The following SLC7A1 variants were observed in gnomAD, a reference collection of about 807,000 sequenced individuals.
SLC7A1 encodes solute carrier family 7 member 1.
In SLC7A1, 10 loss-of-function variants were observed where a neutral mutation model predicts 53.9. That is an observed-to-expected ratio of 0.19 (90% confidence interval 0.11 to 0.31). The LOEUF (loss-of-function observed/expected upper bound fraction) is 0.31, where lower values mean the gene tolerates loss of function less well. Among genes scored for constraint, SLC7A1 ranks in the 10% least tolerant of loss-of-function variants. The probability of loss-of-function intolerance (pLI) is 1.00; values close to 1 mark genes in which losing one functional copy is unlikely to be tolerated. For synonymous variants in SLC7A1, 342 were observed against 338.7 expected, an observed-to-expected ratio of 1.01 and a Z score of -0.11; for missense variants, 525 against 827.2, an observed-to-expected ratio of 0.63 and a Z score of 4.48.
At chr13:29,560,883 T>G (rs2139151055) in intron 1 of SLC7A1, among the ~76,000 whole-genome samples, 1 of 152,086 alleles carries the variant, frequency 6.6e-6, no homozygotes, top group Admixed American at 6.5e-5. Flanking sequence ...AGAAAACATA[T>G]CCCACTGAAC....
rs1437022068 is a variant in SLC7A1, at chr13:29,512,492, C to T, written c.*1988G>A. The T allele has an allele frequency of 6.6e-6, 1 of 152,206 alleles. No homozygotes were observed. Among genetic ancestry groups the T allele is most frequent in the Non-Finnish European group, 1.5e-5 (1 of 68,032 alleles). The allele number at this position is 152,206 out of a possible 1,614,324, so 9.4% of individuals were successfully genotyped here. A position where few individuals can be genotyped will look rare whatever the true frequency, so the allele number is the denominator to read the frequency against. ...AGAAAAAAAAGAAAAAAGCAATTCT[C>T]TCCCACCACTTCACTTTTCTTGGAG... is the stretch of plus-strand genomic sequence containing the variant. On this transcript the variant is annotated 3_prime_UTR_variant, in exon 13 of 13. Coordinates refer to ENST00000380752, the MANE Select transcript of SLC7A1 (RefSeq NM_003045.5).
chr13:29,546,974 G>A (rs1009699213), intron 2 of SLC7A1, among the ~76,000 whole-genome samples: 1 of 152,120 alleles, frequency 6.6e-6, no homozygotes, highest in African/African-American at 2.4e-5. Flanking sequence ...GAGTGTAGCT[G>A]GCAGATTATA....
intron 2 of SLC7A1, among the ~76,000 whole-genome samples, chr13:29,544,333 T>G (rs1869812173): frequency 6.6e-6 from 1 of 152,232 alleles, no homozygotes; most frequent in Non-Finnish European, 1.5e-5. Context: ...TTTGTTGTTA[T>G]TTTCTTCTTT....
intron 6 of SLC7A1, among the ~76,000 whole-genome samples, chr13:29,523,876 G>T (rs73452355): frequency 0.016 from 2,418 of 152,320 alleles, 62 homozygotes; most frequent in African/African-American, 0.054. Context: ...TCAGGCCACA[G>T]CCACACAGCT....
Position 29,517,191 on chromosome 13 carries a change from C to T in SLC7A1, c.1630G>A (p.Gly544Ser). 2 of 1,613,040 alleles carry T rather than the reference C, an allele frequency of 1.2e-6. No individual in the cohort carries two copies. The highest frequency in any genetic ancestry group is 1.7e-6 in the Non-Finnish European group (2 of 1,179,594). ...CTCTCGGGCTGCCTCCAGATGACGC[C>T]CGTGACCACGGCACAGAGGAGGGCA... Reference protein sequence around the residue: ...GSALLCAVVTGVIWRQPESKT... With the variant: ...GSALLCAVVTSVIWRQPESKT... Residue 544 changes from glycine (G) to serine (S), a missense_variant, in exon 11 of 13, where the codon GGC becomes AGC. Gly to Ser is a moderately conservative substitution (Grantham distance 56, BLOSUM62 0). This residue lies in a region of SLC7A1 where 122 missense variants were observed against 140.9 expected (regional missense o/e 0.87). Transcript: ENST00000380752.
chr13:29,576,293 T>TAAAAAAAAAAAAAAAAA (rs3069134), intron 1 of SLC7A1, among the ~76,000 whole-genome samples: 5 of 124,964 alleles, frequency 4.0e-5, no homozygotes, highest in African/African-American at 1.5e-4. Flanking sequence ...TCCTGTTTTT[T>TAAAAAAAAAAAAAAAAA]AAAAAAAAAA....
chr13:29,533,401 G>A (rs931164301), intron 3 of SLC7A1, among the ~76,000 whole-genome samples: 2 of 152,150 alleles, frequency 1.3e-5, no homozygotes, highest in Non-Finnish European at 2.9e-5. Flanking sequence ...GGTGCAGCTG[G>A]CAGTCTGGAG....
chr13:29,524,478 C>A (rs1193057376), intron 5 of SLC7A1, among the ~76,000 whole-genome samples: 1 of 152,158 alleles, frequency 6.6e-6, no homozygotes, highest in Non-Finnish European at 1.5e-5. Context: ...CAGAGTATCG[C>A]CCCTTCCAGA....
intron 1 of SLC7A1, among the ~76,000 whole-genome samples, chr13:29,576,457 G>C (rs1871419223): frequency 6.6e-6 from 1 of 152,120 alleles, no homozygotes. Flanking sequence ...TACTTGCATT[G>C]TATCACTGTT....
At chr13:29,533,011 A>G (rs1447702560) in intron 3 of SLC7A1, 29 bp from the exon 4 acceptor site, 1 of 1,586,674 alleles carries the variant, frequency 6.3e-7, no homozygotes, top group Admixed American at 1.8e-5. Flanking sequence ...AACAGAGGAG[A>G]TGTGAGGACA....
intron 1 of SLC7A1, among the ~76,000 whole-genome samples, chr13:29,590,820 A>G (rs1021774658): frequency 1.1e-4 from 17 of 152,176 alleles, no homozygotes; most frequent in Admixed American, 1.0e-3. Context: ...TATTTTTCTC[A>G]GGGCTAGGCT....
chr13:29,515,967 A>C (rs554205890), intron 12 of SLC7A1, among the ~76,000 whole-genome samples, 171 bp downstream of exon 12: 1 of 152,268 alleles, frequency 6.6e-6, no homozygotes, highest in Non-Finnish European at 1.5e-5. Context: ...GAAGCAATGG[A>C]AACAAAAAGT....
intron 2 of SLC7A1, among the ~76,000 whole-genome samples, chr13:29,541,441 T>C (rs1217929251): frequency 6.6e-6 from 1 of 152,186 alleles, no homozygotes; most frequent in Admixed American, 6.5e-5. Context: ...CAGGGACTCA[T>C]TAATCCCAGG....
intron 1 of SLC7A1, among the ~76,000 whole-genome samples, chr13:29,579,618 C>T (rs1871558379): frequency 6.6e-6 from 1 of 152,174 alleles, no homozygotes; most frequent in Admixed American, 6.5e-5. Flanking sequence ...CCGCCTCAGC[C>T]TTCCAAAGTG....
At chr13:29,584,442 T>C (rs1432042258) in intron 1 of SLC7A1, among the ~76,000 whole-genome samples, 3 of 152,186 alleles carry the variant, frequency 2.0e-5, no homozygotes, top group Non-Finnish European at 2.9e-5. Flanking sequence ...CCACCACACC[T>C]GGCCAATATT....
chr13:29,522,533 T>A lies in SLC7A1; in HGVS notation c.1050-77A>T, dbSNP rs1346643511. 3 of 1,533,748 alleles carry A rather than the reference T, an allele frequency of 2.0e-6. No individual in the cohort carries two copies. The African/African-American group carries it at 4.1e-5, about 21-fold the overall frequency. On this transcript the variant is annotated intron_variant, in intron 7 of 12. Transcript: ENST00000380752. The stretch of plus-strand genomic sequence containing the variant: ...AGGCACCACATCCAGCCATGCTCGG[T>A]TTACCACGGAGGAGAGGGAGTCTGA...
chr13:29,518,160 A>G (rs1455263033), intron 9 of SLC7A1, among the ~76,000 whole-genome samples: 1 of 152,232 alleles, frequency 6.6e-6, no homozygotes, highest in African/African-American at 2.4e-5. Flanking sequence ...GGAAGGAGAG[A>G]AATAGGAAGC....
chr13:29,546,642 G>A (rs1224028470), intron 2 of SLC7A1, among the ~76,000 whole-genome samples: 2 of 152,086 alleles, frequency 1.3e-5, no homozygotes, highest in South Asian at 2.1e-4. Context: ...ATAGGCCTGG[G>A]AACACCTTAA....
chr13:29,584,227 C>T (rs78726897), intron 1 of SLC7A1, among the ~76,000 whole-genome samples: 11,036 of 152,070 alleles, frequency 0.073, 442 homozygotes, highest in Middle Eastern at 0.11. Flanking sequence ...GATTCTCCTG[C>T]CTCAATCTCC....
Sources: allele counts gnomAD v4.1 joint callset (sites outside exome capture counted in the v4.1 genomes callset), GRCh38; gene constraint gnomAD v4.1.1; regional missense constraint gnomAD v4.1.1; transcripts MANE v1.5; gene names NCBI Gene and HGNC (gene_info 2026-07-23, HGNC 2026-07-21).